SLC6A18: variants seen among roughly 807,000 people sequenced by gnomAD.
SLC6A18 encodes the protein solute carrier family 6 member 18, also known as inactive sodium-dependent neutral amino acid transporter B(0)AT3.
In SLC6A18, 58 loss-of-function variants were observed where a neutral mutation model predicts 62.9. The ratio of observed to expected loss-of-function variants is 0.92; its 90% CI spans 0.75 to 1.15. SLC6A18 has a LOEUF of 1.15. Among genes scored for constraint, SLC6A18 ranks in the 50% most tolerant of loss-of-function variants. SLC6A18 has a pLI of 0.00. For synonymous variants in SLC6A18, 382 were observed against 365.8 expected, an observed-to-expected ratio of 1.04 and a Z score of -0.51; for missense variants, 793 against 836.6, an observed-to-expected ratio of 0.95 and a Z score of 0.64.
At position 1,232,284 on chromosome 5, in the gene SLC6A18, C is replaced by T. The variant is rs1348398212; in HGVS notation, c.226C>T (p.Leu76Phe). The T allele has an allele frequency of 8.1e-6, 13 of 1,612,900 alleles. No individual in the cohort carries two copies. The highest frequency in any genetic ancestry group is 1.0e-5 in the Non-Finnish European group (12 of 1,179,914). Residue 76 changes from leucine (L) to phenylalanine (F), a missense_variant, in exon 2 of 12, where the codon CTC becomes TTC. Leu to Phe is a conservative substitution (Grantham distance 22). Transcript: ENST00000324642. ...FEGIPIFHVE[L>F]AIGQRLRKGS... ...GGGGATCCCCATTTTCCACGTCGAG[C>T]TCGCCATCGGCCAGCGGCTGCGGAA...
intron 7 of SLC6A18, among the ~76,000 whole-genome samples, chr5:1,242,408 AG>A (rs1211874408): frequency 8.3e-6 from 1 of 120,898 alleles, no homozygotes; most frequent in Non-Finnish European, 1.8e-5. Flanking sequence ...CGATCCCAAC[AG>A]GGGCAGGAGG....
Position 1,235,485 on chromosome 5 carries a change from T to TGTG in SLC6A18, c.446_448dup (p.Val149dup). On this transcript the variant is annotated inframe_insertion, in exon 4 of 12. Transcript: ENST00000324642. ...TGACAGGCCCCCTGGTTTCAGGGTT[T>TGTG]GTGGAGGAGTGCCAGGGCAGCAGCG... is the stretch of plus-strand genomic sequence containing the variant. The TGTG allele has an allele frequency of 1.2e-6, 2 of 1,613,474 alleles. No individual in the cohort carries two copies. Among genetic ancestry groups the TGTG allele is most frequent in the South Asian group, 1.1e-5 (1 of 91,076 alleles).
intron 3 of SLC6A18, 117 bp downstream of exon 3, chr5:1,233,005 C>G (rs778223628): frequency 4.2e-6 from 6 of 1,433,704 alleles, no homozygotes; most frequent in Admixed American, 4.6e-5. Context: ...GGGGGAGGGC[C>G]GGGGAACCGG....
Position 1,238,595 on chromosome 5 carries a change from A to G in SLC6A18, c.732+535A>G, listed in dbSNP as rs56119266. Among the ~76,000 whole-genome samples the G allele has an allele frequency of 2.7e-3, 52 of 19,138 alleles. 10 individuals are homozygous for G. In the African/African-American group the frequency reaches 0.03, roughly 11 times the overall value. 12.6% of individuals were successfully genotyped at this position (19,138 alleles called of 152,430 possible). A position where few individuals can be genotyped will look rare whatever the true frequency, so the allele number is the denominator to read the frequency against. On this transcript the variant is annotated intron_variant, in intron 5 of 11. Coordinates refer to ENST00000324642, the MANE Select transcript of SLC6A18 (RefSeq NM_182632.3). ...CAGGAAAGAGGTCAGGTTTGGAGTG[A>G]GCCAGGGGCCTCAGGAAAGAGGTCA...
intron 3 of SLC6A18, among the ~76,000 whole-genome samples, 185 bp downstream of exon 3, chr5:1,233,073 G>C (rs1561176245): frequency 6.6e-6 from 1 of 152,262 alleles, no homozygotes; most frequent in Non-Finnish European, 1.5e-5. Context: ...GTGCAGTCCA[G>C]TTCTTATGAC....
chr5:1,242,938 C>T (rs964050150), intron 8 of SLC6A18, 75 bp downstream of exon 8: 9 of 1,455,712 alleles, frequency 6.2e-6, no homozygotes, highest in Middle Eastern at 1.8e-4. Context: ...CTGTGTCCCA[C>T]TGCCAAAGGC....
At chr5:1,226,409 C>A (rs1016661829) in intron 1 of SLC6A18, among the ~76,000 whole-genome samples, 2 of 152,172 alleles carry the variant, frequency 1.3e-5, no homozygotes, top group African/African-American at 4.8e-5. Flanking sequence ...CCAGGCAACA[C>A]GGGCAGGGGC....
At chr5:1,226,857 C>T (rs1435169480) in intron 1 of SLC6A18, among the ~76,000 whole-genome samples, 3 of 152,236 alleles carry the variant, frequency 2.0e-5, no homozygotes, top group African/African-American at 4.8e-5. Context: ...GGGCAGCAGG[C>T]TTCACGCAGA....
chr5:1,225,856 G>C (rs569140852), intron 1 of SLC6A18, among the ~76,000 whole-genome samples: 1 of 152,190 alleles, frequency 6.6e-6, no homozygotes, highest in Non-Finnish European at 1.5e-5. Flanking sequence ...ACAGCACGGA[G>C]GATCCAGTCC....
chr5:1,227,213 C>T (rs539047934), intron 1 of SLC6A18, among the ~76,000 whole-genome samples: 5 of 152,310 alleles, frequency 3.3e-5, no homozygotes, highest in South Asian at 2.1e-4. Flanking sequence ...CATTGCTAAG[C>T]GCCTGCAGTG....
Position 1,241,946 on chromosome 5 carries a change from C to G in SLC6A18, c.975-761C>G, listed in dbSNP as rs780294340. ...GTGAGGGGAGCGAGGTCTCTCTCTTCAGGATTGTTCTAGGAATAGCTGGAG... is the reference window on the plus strand; with the variant it reads ...GTGAGGGGAGCGAGGTCTCTCTCTTGAGGATTGTTCTAGGAATAGCTGGAG... On this transcript the variant is annotated intron_variant, in intron 7 of 11. Transcript: ENST00000324642. This position sits in a 1 kb window ranked among gnomAD's most constrained non-coding sequence, Gnocchi z 7.8. Among the ~76,000 whole-genome samples, 12 of 152,198 alleles carry G rather than the reference C, an allele frequency of 7.9e-5. No homozygotes were observed. Among genetic ancestry groups the G allele is most frequent in the Non-Finnish European group, 1.5e-4 (10 of 68,044 alleles).
chr5:1,243,826 T>G lies in SLC6A18; in HGVS notation c.1336+67T>G. The G allele has an allele frequency of 7.0e-7, 1 of 1,429,876 alleles. No homozygotes were observed. The highest frequency in any genetic ancestry group is 1.4e-5 in the African/African-American group (1 of 70,728). 88.6% of individuals were successfully genotyped at this position (1,429,876 alleles called of 1,614,324 possible). On this transcript the variant is annotated intron_variant, in intron 9 of 11. Coordinates refer to ENST00000324642, the MANE Select transcript of SLC6A18 (RefSeq NM_182632.3). The surrounding 1 kb of genome is among the most constrained non-coding windows in gnomAD (Gnocchi z 6.5). ...CATCTGACTGTCCACTCCCGCCCGC[T>G]GTCCAGACGCCCCTCCTGGATGGAG... is the stretch of plus-strand genomic sequence containing the variant.
intron 3 of SLC6A18, among the ~76,000 whole-genome samples, chr5:1,233,886 C>CAT (rs1746808737): frequency 1.3e-5 from 2 of 152,026 alleles, no homozygotes; most frequent in Non-Finnish European, 2.9e-5. Context: ...GGACTACAGG[C>CAT]GCCTGCCACC....
At chr5:1,233,493 A>C (rs1746791319) in intron 3 of SLC6A18, among the ~76,000 whole-genome samples, 1 of 152,242 alleles carries the variant, frequency 6.6e-6, no homozygotes, top group Middle Eastern at 3.4e-3. Context: ...ACAATCGAAC[A>C]AACAAACAAA....
At chr5:1,234,894 A>G (rs1398432856) in intron 3 of SLC6A18, among the ~76,000 whole-genome samples, 1 of 152,192 alleles carries the variant, frequency 6.6e-6, no homozygotes, top group Non-Finnish European at 1.5e-5. Flanking sequence ...AGACTTTTCC[A>G]TGAGGGGCCC....
At chr5:1,230,466 A>T (rs1266409257) in intron 1 of SLC6A18, among the ~76,000 whole-genome samples, 1 of 152,098 alleles carries the variant, frequency 6.6e-6, no homozygotes, top group Non-Finnish European at 1.5e-5. Context: ...CCCCTCTTCA[A>T]TGCTTGTCTT....
At chr5:1,244,441 C>T in intron 10 of SLC6A18, 68 bp downstream of exon 10, 1 of 1,594,702 alleles carries the variant, frequency 6.3e-7, no homozygotes, top group Non-Finnish European at 8.6e-7. Flanking sequence ...GGCTGCCGGG[C>T]ACAGGTTCAA....
intron 1 of SLC6A18, among the ~76,000 whole-genome samples, chr5:1,230,473 T>A (rs1746704263): frequency 6.6e-6 from 1 of 152,148 alleles, no homozygotes; most frequent in African/African-American, 2.4e-5. Flanking sequence ...TCAATGCTTG[T>A]CTTTCTGCCG....
At chr5:1,232,482 T>A (rs916065580) in intron 2 of SLC6A18, 123 bp downstream of exon 2, 2 of 1,347,590 alleles carry the variant, frequency 1.5e-6, no homozygotes, top group East Asian at 5.0e-5. Context: ...GGCCGGCGGG[T>A]GGGGTGGCAG....
Sources: gnomAD v4.1 joint callset for allele counts (sites outside exome capture counted in the v4.1 genomes callset) on GRCh38, gnomAD v4.1.1 for gene constraint, Gnocchi (gnomAD v3.1) non-coding constraint, MANE v1.5 for transcripts, NCBI Gene and HGNC (gene_info 2026-07-23, HGNC 2026-07-21) for gene names.